The following TOX variants were observed in gnomAD, a reference collection of about 807,000 sequenced individuals.
TOX encodes thymocyte selection-associated high mobility group box protein TOX.
In TOX, 11 loss-of-function variants were observed where a neutral mutation model predicts 53.7. The observed-to-expected ratio is 0.20, with a 90% CI of 0.13 to 0.34. The LOEUF is 0.34. Ranked by LOEUF, TOX falls within the 10% of genes least tolerant of loss-of-function variation. TOX has a pLI of 1.00. For missense variants in TOX, 570 were observed against 664.6 expected (o/e 0.86, Z 1.56); for synonymous variants, 225 against 245.3 (o/e 0.92, Z 0.77).
intron 3 of TOX, among the ~76,000 whole-genome samples, chr8:58,873,043 C>G (rs1404133185): frequency 6.6e-6 from 1 of 151,962 alleles, no homozygotes; most frequent in Admixed American, 6.6e-5. Flanking sequence ...TTAAAAATTG[C>G]CCCAGTTTTA....
chr8:59,031,526 G>A (rs1814355921), intron 1 of TOX, among the ~76,000 whole-genome samples: 1 of 152,210 alleles, frequency 6.6e-6, no homozygotes, highest in African/African-American at 2.4e-5. Context: ...TGCTCTCAAG[G>A]AGCTTAAATT....
chr8:58,923,588 A>G (rs761426935), intron 3 of TOX, among the ~76,000 whole-genome samples: 2 of 152,180 alleles, frequency 1.3e-5, no homozygotes, highest in Admixed American at 6.5e-5. Flanking sequence ...ACCTCCATTA[A>G]TTAGGTAGCT....
intron 4 of TOX, among the ~76,000 whole-genome samples, chr8:58,849,579 T>C (rs1177876196): frequency 1.3e-5 from 2 of 152,210 alleles, no homozygotes; most frequent in Non-Finnish European, 2.9e-5. Context: ...ATGTTAATTC[T>C]ATGAATTTCA....
intron 1 of TOX, among the ~76,000 whole-genome samples, chr8:59,076,202 CT>C: frequency 6.6e-6 from 1 of 152,298 alleles, no homozygotes; most frequent in East Asian, 1.9e-4. Flanking sequence ...GTGGATACCC[CT>C]GAGACGGTAA....
intron 5 of TOX, among the ~76,000 whole-genome samples, chr8:58,827,858 AT>A (rs1364002628): frequency 1.1e-4 from 16 of 152,166 alleles, no homozygotes; most frequent in African/African-American, 3.6e-4. Context: ...TTTAGAGTAT[AT>A]TTTTTGGCAA....
Position 59,050,766 on chromosome 8 carries a change from T to C in TOX, c.102+68120A>G, listed in dbSNP as rs1285793973. ...TATTTTTTCATCCTTTGTAATCTCA[T>C]TTTGACAGAACTGAATTGTTTTTGT... On this transcript the variant is annotated intron_variant, in intron 1 of 8. Transcript: ENST00000361421. 2.0e-5 allele frequency among the ~76,000 whole-genome samples: 3 copies of C among 152,280 alleles called. No individual in the cohort carries two copies. In the East Asian group the frequency reaches 5.8e-4, roughly 29 times the overall value.
chr8:58,813,782 A>G (rs1297870452), intron 7 of TOX, among the ~76,000 whole-genome samples: 1 of 152,202 alleles, frequency 6.6e-6, no homozygotes, highest in Non-Finnish European at 1.5e-5. Flanking sequence ...AAGAAGATAA[A>G]TCCCTTTGTT....
At chr8:58,894,640 T>C (rs577249793) in intron 3 of TOX, among the ~76,000 whole-genome samples, 22 of 152,338 alleles carry the variant, frequency 1.4e-4, no homozygotes, top group African/African-American at 5.3e-4. Flanking sequence ...AAGCCTGTAA[T>C]CCCAGCACTT....
intron 1 of TOX, among the ~76,000 whole-genome samples, chr8:59,043,201 C>CTGTGTGTG (rs10660376): frequency 0.018 from 2,731 of 147,946 alleles, 50 homozygotes; most frequent in African/African-American, 0.055. Context: ...ACTTTCTTTT[C>CTGTGTGTG]TGTGTGTGTG....
At chr8:59,052,585 C>T (rs949916713) in intron 1 of TOX, among the ~76,000 whole-genome samples, 1 of 152,162 alleles carries the variant, frequency 6.6e-6, no homozygotes, top group Non-Finnish European at 1.5e-5. Flanking sequence ...TGCTCTCCCC[C>T]AGCAATGGTC....
chr8:58,879,019 C>T (rs1377224950), intron 3 of TOX, among the ~76,000 whole-genome samples: 1 of 149,520 alleles, frequency 6.7e-6, no homozygotes, highest in Non-Finnish European at 1.5e-5. Context: ...CGAGATCATG[C>T]CACTGCACTC....
At chr8:58,878,345 T>G (rs1470016978) in intron 3 of TOX, among the ~76,000 whole-genome samples, 1 of 152,226 alleles carries the variant, frequency 6.6e-6, no homozygotes, top group African/African-American at 2.4e-5. Context: ...GCATACTTTT[T>G]TAAAATTCCA....
intron 1 of TOX, among the ~76,000 whole-genome samples, chr8:58,985,287 C>CACAAGGG (rs1813306514): frequency 6.6e-6 from 1 of 152,028 alleles, no homozygotes; most frequent in Non-Finnish European, 1.5e-5. Context: ...AGCATATATA[C>CACAAGGG]ACAAGGGAAT....
intron 1 of TOX, among the ~76,000 whole-genome samples, chr8:59,006,575 G>A (rs1563416108): frequency 6.6e-6 from 1 of 152,314 alleles, no homozygotes; most frequent in South Asian, 2.1e-4. Flanking sequence ...ATCAAGGACA[G>A]AAGTGCAGTC....
chr8:58,844,613 T>C lies in TOX; in HGVS notation c.694-6302A>G, dbSNP rs577369223. The stretch of plus-strand genomic sequence containing the variant: ...GGATCATTATACATTTCTGCTCTGG[T>C]ATTCTACAGCAGTGGGCAGAGGCTT... On this transcript the variant is annotated intron_variant, in intron 4 of 8. Coordinates refer to ENST00000361421, the MANE Select transcript of TOX (RefSeq NM_014729.3). Among the ~76,000 whole-genome samples, 6 of 152,254 alleles carry C rather than the reference T, an allele frequency of 3.9e-5. No homozygotes were observed. The South Asian group carries it at 1.2e-3, about 32-fold the overall frequency.
chr8:59,071,248 T>C (rs1473695245), intron 1 of TOX, among the ~76,000 whole-genome samples: 1 of 152,046 alleles, frequency 6.6e-6, no homozygotes, highest in East Asian at 1.9e-4. Flanking sequence ...GGCCTCAGGA[T>C]GCCAAAACTC....
intron 3 of TOX, among the ~76,000 whole-genome samples, chr8:58,929,322 A>G (rs1382282405): frequency 6.6e-6 from 1 of 152,146 alleles, no homozygotes; most frequent in African/African-American, 2.4e-5. Context: ...ACTGTAACAA[A>G]TGGTCAAAAA....
intron 1 of TOX, among the ~76,000 whole-genome samples, chr8:59,038,128 T>C (rs1803504683): frequency 6.6e-6 from 1 of 152,242 alleles, no homozygotes; most frequent in Non-Finnish European, 1.5e-5. Flanking sequence ...ACTTTAATCA[T>C]ATGCCATAGT....
rs1585835139 is a variant in TOX, at chr8:58,807,675, G to C, written c.*72C>G. 1 of 1,567,950 alleles carries C rather than the reference G, an allele frequency of 6.4e-7. No individual in the cohort carries two copies. The highest frequency in any genetic ancestry group is 2.2e-5 in the East Asian group (1 of 44,532). ...TTCTAATAAAATGGAGAACTGCCTT[G>C]ACTGTACAAAGCAATCCATGGTGAA... is the stretch of plus-strand genomic sequence containing the variant. On this transcript the variant is annotated 3_prime_UTR_variant, in exon 9 of 9. Coordinates refer to ENST00000361421, the MANE Select transcript of TOX (RefSeq NM_014729.3).
Sources: allele counts gnomAD v4.1 joint callset (sites outside exome capture counted in the v4.1 genomes callset), GRCh38; gene constraint gnomAD v4.1.1; transcripts MANE v1.5; gene names NCBI Gene and HGNC (gene_info 2026-07-23, HGNC 2026-07-21).